ASTN2: variants seen among roughly 807,000 people sequenced by gnomAD.
The protein encoded by ASTN2 is astrotactin 2, also known as astrotactin-2.
ASTN2 carries 54 observed loss-of-function variants against 139.8 expected under a neutral mutation model. The observed-to-expected ratio is 0.39, with a 90% CI of 0.31 to 0.48. The LOEUF (loss-of-function observed/expected upper bound fraction) is 0.48, where lower values mean the gene tolerates loss of function less well. Among genes scored for constraint, ASTN2 ranks in the 20% least tolerant of loss-of-function variants. ASTN2 has a pLI of 0.95. For synonymous variants in ASTN2, 756 were observed against 719.5 expected (o/e 1.05, Z -0.81); for missense variants, 1,565 against 1,725.1 (o/e 0.91, Z 1.64).
chr9:116,593,195 A>G (rs1854440853), intron 19 of ASTN2, among the ~76,000 whole-genome samples: 1 of 152,220 alleles, frequency 6.6e-6, no homozygotes, highest in Non-Finnish European at 1.5e-5. Flanking sequence ...AACCCCAGAC[A>G]AGGCTGGGTG....
chr9:117,402,918 C>T (rs536228414), intron 1 of ASTN2, among the ~76,000 whole-genome samples: 84 of 152,108 alleles, frequency 5.5e-4, no homozygotes, highest in Non-Finnish European at 1.0e-3. Flanking sequence ...AGGAGCTGGC[C>T]AGGTGAACGA....
intron 6 of ASTN2, among the ~76,000 whole-genome samples, chr9:117,038,024 A>G (rs1442658808): frequency 6.6e-6 from 1 of 152,200 alleles, no homozygotes; most frequent in Non-Finnish European, 1.5e-5. Context: ...TAAATGAAAT[A>G]AGAGATATAA....
intron 3 of ASTN2, among the ~76,000 whole-genome samples, chr9:117,194,009 T>C (rs7858836): frequency 0.63 from 95,456 of 151,934 alleles, 30,125 homozygotes; most frequent in Middle Eastern, 0.69. Context: ...TAGAGCATCG[T>C]ACAGAAATAA....
intron 13 of ASTN2, among the ~76,000 whole-genome samples, chr9:116,740,985 C>T (rs1179512431): frequency 6.6e-6 from 1 of 151,876 alleles, no homozygotes; most frequent in Non-Finnish European, 1.5e-5. Context: ...CCCAGGCTAC[C>T]TGCATATGAC....
chr9:116,466,609 C>T (rs1848653935), intron 20 of ASTN2, among the ~76,000 whole-genome samples: 1 of 152,160 alleles, frequency 6.6e-6, no homozygotes, highest in Non-Finnish European at 1.5e-5. Flanking sequence ...TGAGGCAATG[C>T]AGGGCAGAAG....
chr9:116,518,777 C>A (rs1212093296), intron 19 of ASTN2, among the ~76,000 whole-genome samples: 1 of 151,736 alleles, frequency 6.6e-6, no homozygotes, highest in African/African-American at 2.4e-5. Flanking sequence ...AGGAGTCTCA[C>A]CTAACACATA....
chr9:116,807,802 T>A (rs563141177), intron 12 of ASTN2, among the ~76,000 whole-genome samples: 1 of 152,098 alleles, frequency 6.6e-6, no homozygotes, highest in South Asian at 2.1e-4. Flanking sequence ...ATATTATTGT[T>A]GAAGATGAGT....
intron 20 of ASTN2, among the ~76,000 whole-genome samples, chr9:116,476,068 C>T (rs142557060): frequency 1.2e-4 from 18 of 152,126 alleles, no homozygotes; most frequent in African/African-American, 4.1e-4. Flanking sequence ...AGAGGCTAGA[C>T]GTGTGAAATC....
intron 12 of ASTN2, among the ~76,000 whole-genome samples, chr9:116,812,738 T>C (rs1311500272): frequency 1.3e-5 from 2 of 152,080 alleles, no homozygotes; most frequent in Non-Finnish European, 2.9e-5. Flanking sequence ...TAGTCAATAG[T>C]GGTGCTGGGA....
Position 117,083,291 on chromosome 9 carries a change from T to G in ASTN2, c.1276+12753A>C, listed in dbSNP as rs538852435. Among the ~76,000 whole-genome samples, 12 of 152,342 alleles carry G rather than the reference T, an allele frequency of 7.9e-5. No individual in the cohort carries two copies. In the East Asian group the frequency reaches 2.3e-3, roughly 29 times the overall value. ...CTAAATTTATCCTTCCCAGACTTTT[T>G]CTCACTGTCTTCCTTCACATACCTT... On this transcript the variant is annotated intron_variant, in intron 5 of 22. Transcript: ENST00000313400.
chr9:116,897,424 C>T (rs537941122), intron 10 of ASTN2, among the ~76,000 whole-genome samples: 51 of 152,330 alleles, frequency 3.3e-4, no homozygotes, highest in Non-Finnish European at 6.6e-4. Context: ...ATTTAGGAAA[C>T]TGCTTCTCAC....
At chr9:117,393,138 T>C (rs1025982630) in intron 1 of ASTN2, among the ~76,000 whole-genome samples, 7 of 152,178 alleles carry the variant, frequency 4.6e-5, no homozygotes, top group Non-Finnish European at 1.0e-4. Flanking sequence ...GAATCTCACT[T>C]CTACTCTCTC....
rs1847779428 is a variant in ASTN2, at chr9:116,439,531, A to C, written c.3782+1078T>G. ...ACATTTTTAATAAGAAGTGAATATA[A>C]GAAAGAAATACCAAATAAAGTGTAT... On this transcript the variant is annotated intron_variant, in intron 22 of 22. Coordinates refer to ENST00000313400, the MANE Select transcript of ASTN2 (RefSeq NM_001365068.1). Among the ~76,000 whole-genome samples, 3 of 152,344 alleles carry C rather than the reference A, an allele frequency of 2.0e-5. No homozygotes were observed. In the South Asian group the frequency reaches 6.2e-4, roughly 32 times the overall value.
At chr9:116,523,222 C>T (rs1022741598) in intron 19 of ASTN2, among the ~76,000 whole-genome samples, 2 of 149,124 alleles carry the variant, frequency 1.3e-5, no homozygotes, top group Non-Finnish European at 3.0e-5. Context: ...TTTTTAACGA[C>T]AGTTATAAGT....
chr9:117,304,909 T>C (rs1373036491), intron 1 of ASTN2, among the ~76,000 whole-genome samples: 1 of 152,228 alleles, frequency 6.6e-6, no homozygotes, highest in Admixed American at 6.5e-5. Flanking sequence ...AACGACCCTC[T>C]TGATTTTCTC....
chr9:116,740,793 C>A (rs1829079199), intron 13 of ASTN2, among the ~76,000 whole-genome samples: 2 of 151,710 alleles, frequency 1.3e-5, no homozygotes, highest in African/African-American at 4.8e-5. Flanking sequence ...GGATTACAGG[C>A]GTGAACCACC....
At chr9:116,732,684 T>C (rs1050460938) in intron 14 of ASTN2, among the ~76,000 whole-genome samples, 2 of 151,972 alleles carry the variant, frequency 1.3e-5, no homozygotes, top group African/African-American at 4.8e-5. Context: ...CATCCTGGGG[T>C]TGGACAGAAA....
intron 16 of ASTN2, among the ~76,000 whole-genome samples, chr9:116,686,474 C>G (rs1272827584): frequency 6.6e-6 from 1 of 152,204 alleles, no homozygotes; most frequent in Non-Finnish European, 1.5e-5. Context: ...CTCCTTTGTG[C>G]TCCTAAGCTG....
intron 19 of ASTN2, among the ~76,000 whole-genome samples, chr9:116,602,790 C>T (rs1036781517): frequency 1.3e-5 from 2 of 151,964 alleles, no homozygotes; most frequent in African/African-American, 4.8e-5. Flanking sequence ...ATGAGCTGGG[C>T]ATGGTGGCAT....
Sources: gnomAD v4.1 joint callset for allele counts (sites outside exome capture counted in the v4.1 genomes callset) on GRCh38, gnomAD v4.1.1 for gene constraint, MANE v1.5 for transcripts, NCBI Gene and HGNC (gene_info 2026-07-23, HGNC 2026-07-21) for gene names.